The following LDB1 variants were observed in gnomAD, a reference collection of about 807,000 sequenced individuals.
LDB1 encodes the protein LIM domain-binding protein 1.
In LDB1, 6 loss-of-function variants were observed where a neutral mutation model predicts 49.7. The ratio of observed to expected loss-of-function variants is 0.12; its 90% CI spans 0.07 to 0.24. The LOEUF is 0.24. Ranked by LOEUF, LDB1 falls within the 10% of genes least tolerant of loss-of-function variation. The pLI is 1.00. For missense variants in LDB1, 341 were observed against 561.7 expected, an observed-to-expected ratio of 0.61 and a Z score of 3.97; for synonymous variants, 233 against 202.0, an observed-to-expected ratio of 1.15 and a Z score of -1.30.
At chr10:102,119,180 T>G (rs577397707) in intron 1 of LDB1, among the ~76,000 whole-genome samples, 7 of 151,974 alleles carry the variant, frequency 4.6e-5, no homozygotes, top group Non-Finnish European at 1.0e-4. Flanking sequence ...GAGGGCCAAT[T>G]CCAGGACCCA....
Position 102,108,379 on chromosome 10 carries a change from G to GGCGGCAGATACCCCCAGA in LDB1, c.1006-74_1006-57dup. 2.8e-6 allele frequency: 4 copies of GGCGGCAGATACCCCCAGA among 1,424,042 alleles called. No individual in the cohort carries two copies. In the South Asian group the frequency reaches 4.7e-5, roughly 17 times the overall value. 88.2% of individuals were successfully genotyped at this position (1,424,042 alleles called of 1,614,324 possible). On this transcript the variant is annotated intron_variant, in intron 10 of 10. Coordinates refer to ENST00000673968, the MANE Select transcript of LDB1 (RefSeq NM_001113407.3). ...CGGGGCAAGGGCTCGCCCGGCCCAG[G>GGCGGCAGATACCCCCAGA]GCGGCAGATACCCCCAGAGCCCCAG...
intron 6 of LDB1, 101 bp downstream of exon 6, chr10:102,110,428 C>T (rs2068234602): frequency 8.0e-7 from 1 of 1,253,414 alleles, no homozygotes; most frequent in African/African-American, 1.5e-5. Context: ...TGCCAGTTCA[C>T]ATTATGCCTC....
intron 1 of LDB1, chr10:102,114,812 G>GGGGCGCCCCCC: frequency 8.6e-6 from 8 of 929,816 alleles, no homozygotes; most frequent in South Asian, 5.0e-5. Flanking sequence ...CCTCCGAGCA[G>GGGGCGCCCCCC]CCCGCCCGCC....
downstream of LDB1, among the ~76,000 whole-genome samples, chr10:102,102,449 G>GC (rs777898808): frequency 2.0e-4 from 30 of 152,338 alleles, no homozygotes; most frequent in Admixed American, 3.3e-4. Context: ...CCAGGGACTG[G>GC]CCCTAGGTCC....
At chr10:102,113,404 C>T (rs1476565980) in intron 1 of LDB1, among the ~76,000 whole-genome samples, 1 of 152,196 alleles carries the variant, frequency 6.6e-6, no homozygotes, top group Non-Finnish European at 1.5e-5. Flanking sequence ...CGAGCTCTCA[C>T]GGGCCACATC....
At chr10:102,114,500 C>A in intron 1 of LDB1, 1 of 986,414 alleles carries the variant, frequency 1.0e-6, no homozygotes, top group Non-Finnish European at 1.2e-6. Context: ...GGGACAACTT[C>A]AGCAGCTCAT....
chr10:102,108,943 C>T (rs995740356), intron 10 of LDB1, 86 bp downstream of exon 10: 109 of 1,548,840 alleles, frequency 7.0e-5, no homozygotes, highest in Non-Finnish European at 9.5e-5. Context: ...TTTGCTTCTA[C>T]GCCTGCTAGT....
intron 1 of LDB1, among the ~76,000 whole-genome samples, chr10:102,116,022 C>A (rs944070775): frequency 6.6e-6 from 1 of 152,100 alleles, no homozygotes; most frequent in African/African-American, 2.4e-5. Flanking sequence ...CTGTCTCCTA[C>A]CCCCAACTAT....
rs953090100 is a variant in LDB1 at position 102,117,875 on chromosome 10, T to C, written c.25+2211A>G. Among the ~76,000 whole-genome samples, 3 of 152,070 alleles carry C rather than the reference T, an allele frequency of 2.0e-5. No individual in the cohort carries two copies. The highest frequency in any genetic ancestry group is 4.4e-5 in the Non-Finnish European group (3 of 67,994). ...TGGGCATGTGTATGTGTGTATCTTG[T>C]GGTGCTTCTGCGTGTGCATGTGTGT... On this transcript the variant is annotated intron_variant, in intron 1 of 10. Transcript: ENST00000673968. The surrounding 1 kb of genome is among the most constrained non-coding windows in gnomAD (Gnocchi z 4.2).
chr10:102,113,486 A>G (rs745863214), intron 1 of LDB1, among the ~76,000 whole-genome samples: 3 of 152,158 alleles, frequency 2.0e-5, no homozygotes, highest in Non-Finnish European at 2.9e-5. Flanking sequence ...CCAGAAAGAC[A>G]GTCCCCACCC....
At chr10:102,114,515 C>G in intron 1 of LDB1, 1 of 986,182 alleles carries the variant, frequency 1.0e-6, no homozygotes, top group Non-Finnish European at 1.2e-6. Flanking sequence ...GCTCATGTCC[C>G]GAGTGGGACG....
intron 1 of LDB1, 121 bp from the exon 2 acceptor site, chr10:102,111,657 C>T (rs999819434): frequency 1.6e-5 from 9 of 569,188 alleles, no homozygotes; most frequent in Non-Finnish European, 2.5e-5. Context: ...CAGGGACCAG[C>T]CTAGGCAACA....
intron 1 of LDB1, chr10:102,114,455 C>CCAGAGGAGT: frequency 1.0e-6 from 1 of 986,402 alleles, no homozygotes; most frequent in Non-Finnish European, 1.2e-6. Flanking sequence ...GACTGCAAGC[C>CCAGAGGAGT]CAGAGGAGTC....
chr10:102,114,483 T>G, intron 1 of LDB1: 1 of 986,196 alleles, frequency 1.0e-6, no homozygotes, highest in Non-Finnish European at 1.2e-6. Flanking sequence ...GGGTGAGGGC[T>G]GACGGGGGGA....
downstream of LDB1, among the ~76,000 whole-genome samples, chr10:102,103,329 TTTG>T (rs141197540): frequency 0.65 from 98,006 of 150,194 alleles, 34,014 homozygotes; most frequent in African/African-American, 0.9. Context: ...CTGCACCTGT[TTTG>T]TTGTTGTTGT....
chr10:102,118,810 A>T (rs1175268032), intron 1 of LDB1, among the ~76,000 whole-genome samples: 1 of 152,204 alleles, frequency 6.6e-6, no homozygotes, highest in African/African-American at 2.4e-5. Flanking sequence ...AGCTGGTAGA[A>T]AGAGGGACGA....
downstream of LDB1, among the ~76,000 whole-genome samples, chr10:102,103,282 C>T (rs565686996): frequency 1.3e-5 from 2 of 152,210 alleles, no homozygotes; most frequent in South Asian, 4.1e-4. Flanking sequence ...CCTGCCTCGG[C>T]CTCCAAAATT....
chr10:102,107,926 G>T lies in LDB1; in HGVS notation c.*167C>A. On this transcript the variant is annotated 3_prime_UTR_variant, in exon 11 of 11. Coordinates refer to ENST00000673968, the MANE Select transcript of LDB1 (RefSeq NM_001113407.3). ...CCAGGCCCAGCCCAGGGCCACTGGG[G>T]GGGCAAATCTTGGCACCTGCCCCCA... 1.5e-6 allele frequency: 1 copy of T among 671,186 alleles called. No homozygotes were observed. The allele number at this position is 671,186 out of a possible 1,614,324, so 41.6% of individuals were successfully genotyped here.
At chr10:102,114,784 CGCCTCTTGCTGCCTCT>C in intron 1 of LDB1, 1 of 965,768 alleles carries the variant, frequency 1.0e-6, no homozygotes. Context: ...TCCCCGCCGC[CGCCTCTTGCTGCCTCT>C]GCCTCCGAGC....
Sources: allele counts gnomAD v4.1 joint callset (sites outside exome capture counted in the v4.1 genomes callset), GRCh38; gene constraint gnomAD v4.1.1; non-coding constraint Gnocchi (gnomAD v3.1); transcripts MANE v1.5; gene names NCBI Gene and HGNC (gene_info 2026-07-23, HGNC 2026-07-21).